RNF213: variants seen among roughly 807,000 people sequenced by gnomAD.
RNF213 encodes the protein E3 ubiquitin-protein ligase RNF213.
RNF213 carries 341 observed loss-of-function variants against 514.4 expected under a neutral mutation model. The observed-to-expected ratio is 0.66, with a 90% CI of 0.61 to 0.73. The LOEUF (loss-of-function observed/expected upper bound fraction) is 0.73, where lower values mean the gene tolerates loss of function less well. Ranked by LOEUF, RNF213 falls within the 30% of genes least tolerant of loss-of-function variation. The pLI is 0.00. For synonymous variants in RNF213, 2,655 were observed against 2,658.2 expected (o/e 1.00, Z 0.04); for missense variants, 5,767 against 6,615.6 (o/e 0.87, Z 4.45).
rs78857404 is a variant in RNF213 at position 80,313,186 on chromosome 17, G to A, written c.2811+19G>A. 2 of 1,613,808 alleles carry A rather than the reference G, an allele frequency of 1.2e-6. No individual in the cohort carries two copies. The highest frequency in any genetic ancestry group is 1.1e-5 in the South Asian group (1 of 91,088). ...AATTGAGGTAGGCATTTGGCCGAAGGCTTCTGGGTAGGGATGTGACTGATC... is the reference window on the plus strand; with the variant it reads ...AATTGAGGTAGGCATTTGGCCGAAGACTTCTGGGTAGGGATGTGACTGATC... On this transcript the variant is annotated intron_variant, in intron 15 of 67. Transcript: ENST00000582970.
At chr17:80,384,823 C>T in intron 59 of RNF213, 1 of 605,730 alleles carries the variant, frequency 1.7e-6, no homozygotes, top group Non-Finnish European at 3.0e-6. Context: ...AGGCTGGGCT[C>T]CCTCTTCGCC....
rs1263167971 is a variant in RNF213, at chr17:80,314,049, G to C, written c.2811+882G>C. On this transcript the variant is annotated intron_variant, in intron 15 of 67. Coordinates refer to ENST00000582970, the MANE Select transcript of RNF213 (RefSeq NM_001256071.3). ...GGTGGTGGTGGTGGTGATGGTGGAGGTGGTGGAGGTAATGGAGGTGATGGT... is the reference window on the plus strand; with the variant it reads ...GGTGGTGGTGGTGGTGATGGTGGAGCTGGTGGAGGTAATGGAGGTGATGGT... Among the ~76,000 whole-genome samples the C allele has an allele frequency of 3.9e-5, 4 of 103,306 alleles. No homozygotes were observed. The East Asian group carries it at 1.6e-3, about 41-fold the overall frequency. 67.8% of individuals were successfully genotyped at this position (103,306 alleles called of 152,430 possible).
intron 44 of RNF213, among the ~76,000 whole-genome samples, 156 bp from the exon 45 acceptor site, chr17:80,369,346 G>C (rs535800879): frequency 5.9e-5 from 9 of 151,578 alleles, no homozygotes; most frequent in African/African-American, 1.9e-4. Flanking sequence ...TGCAGTGAGC[G>C]GAGATCGCGC....
chr17:80,281,321 A>G (rs139825717), intron 3 of RNF213, among the ~76,000 whole-genome samples: 740 of 39,122 alleles, frequency 0.019, 33 homozygotes, highest in East Asian at 0.095. Flanking sequence ...CCCCACTCAC[A>G]CCACTCACAC....
At position 80,336,378 on chromosome 17, in the gene RNF213, G is replaced by C; in HGVS notation, c.4527G>C (p.Leu1509=). The change falls in exon 23 of 68, where the codon CTG becomes CTC. Residue 1509 remains leucine, a splice_region_variant and synonymous_variant. Coordinates refer to ENST00000582970, the MANE Select transcript of RNF213 (RefSeq NM_001256071.3). ...AGGACCAGTACCTGCCCAGGAAACT[G>C]GTGAGTCTTATTCTGTCTCTAATGC... The part of the protein sequence containing the change: ...LDKDQYLPRK[L]CDSARNLEWL... 1 of 1,537,100 alleles carries C rather than the reference G, an allele frequency of 6.5e-7. No individual in the cohort carries two copies. Among genetic ancestry groups the C allele is most frequent in the South Asian group, 1.2e-5 (1 of 84,050 alleles).
In RNF213 at chr17:80,347,637, T is replaced by C; in HGVS notation, c.9302T>C (p.Leu3101Ser). The C allele has an allele frequency of 6.2e-7, 1 of 1,614,124 alleles. No individual in the cohort carries two copies. Among genetic ancestry groups the C allele is most frequent in the Non-Finnish European group, 8.5e-7 (1 of 1,180,026 alleles). Residue 3101 changes from leucine (L) to serine (S), a missense_variant, in exon 29 of 68, where the codon TTG becomes TCG. Coordinates refer to ENST00000582970, the MANE Select transcript of RNF213 (RefSeq NM_001256071.3). This position sits in a 1 kb window ranked among gnomAD's most constrained non-coding sequence, Gnocchi z 7.2. Reference protein sequence around the residue: ...KICMETGKMVLLLNLQNLYES... With the variant: ...KICMETGKMVSLLNLQNLYES... ...TGCATGGAAACAGGCAAGATGGTGT[T>C]GCTTCTCAACCTGCAGAACCTCTAC...
intron 22 of RNF213, 133 bp downstream of exon 22, chr17:80,334,403 T>G: frequency 1.0e-6 from 1 of 968,638 alleles, no homozygotes; most frequent in Admixed American, 2.8e-5. Context: ...AGACGTTGCC[T>G]GCATGCTTTA....
intron 51 of RNF213, 40 bp downstream of exon 51, chr17:80,375,910 A>G (rs376959196): frequency 2.8e-4 from 367 of 1,319,274 alleles, no homozygotes; most frequent in Non-Finnish European, 2.5e-4. Flanking sequence ...AAGTCTCAGT[A>G]TTTGGAGGGA....
Position 80,290,458 on chromosome 17 carries a change from CAT to C in RNF213, c.1113-111_1113-110del, listed in dbSNP as rs532606178. On this transcript the variant is annotated intron_variant, in intron 6 of 67. Coordinates refer to ENST00000582970, the MANE Select transcript of RNF213 (RefSeq NM_001256071.3). Reference sequence around the variant, plus strand: ...GTGTGTGCATGTGTGTGTGCGAGTGCATGTGTGTGTGCACGTGTGTGTGCGCA... The same window carrying C: ...GTGTGTGCATGTGTGTGTGCGAGTGCGTGTGTGTGCACGTGTGTGTGCGCA... 722 of 1,289,132 alleles carry C rather than the reference CAT, an allele frequency of 5.6e-4. 3 individuals carry two copies. The highest frequency in any genetic ancestry group is 3.9e-3 in the East Asian group (170 of 43,058). The allele number at this position is 1,289,132 out of a possible 1,614,324, so 79.9% of individuals were successfully genotyped here.
At chr17:80,313,755 G>A (rs1356637557) in intron 15 of RNF213, among the ~76,000 whole-genome samples, 6 of 150,260 alleles carry the variant, frequency 4.0e-5, no homozygotes, top group Non-Finnish European at 7.4e-5. Flanking sequence ...GCTGGTGGTG[G>A]AGGTGGTGGA....
chr17:80,306,312 C>T lies in RNF213; in HGVS notation c.2271C>T (p.Leu757=). The change falls in exon 12 of 68, where the codon CTC becomes CTT. Residue 757 remains leucine, a synonymous_variant. Coordinates refer to ENST00000582970, the MANE Select transcript of RNF213 (RefSeq NM_001256071.3). ...KQHLLSIDEP[L]FRSWFSLLPL... ...ATTTGCTGAGCATAGACGAGCCTCT[C>T]TTCCGGTCCTGGTTTAGTCTGCTAC... is the stretch of plus-strand genomic sequence containing the variant. 1 of 1,614,192 alleles carries T rather than the reference C, an allele frequency of 6.2e-7. No homozygotes were observed. Among genetic ancestry groups the T allele is most frequent in the Non-Finnish European group, 8.5e-7 (1 of 1,180,044 alleles).
intron 14 of RNF213, among the ~76,000 whole-genome samples, chr17:80,311,517 C>T (rs28528832): frequency 0.087 from 13,245 of 152,246 alleles, 1,949 homozygotes; most frequent in African/African-American, 0.3. Context: ...TCTAGTCACT[C>T]CTGTGCCCAG....
chr17:80,289,285 T>C (rs536692431), intron 5 of RNF213, among the ~76,000 whole-genome samples: 179 of 152,252 alleles, frequency 1.2e-3, no homozygotes, highest in African/African-American at 4.2e-3. Flanking sequence ...AAGCATCCCC[T>C]GTAGGGGTCA....
intron 8 of RNF213, among the ~76,000 whole-genome samples, chr17:80,292,320 G>C (rs1354159099): frequency 6.6e-6 from 1 of 152,042 alleles, no homozygotes; most frequent in Non-Finnish European, 1.5e-5. Context: ...TGCCCTCCTC[G>C]ACCTCCCGAA....
chr17:80,351,511 G>A (rs904820370), intron 31 of RNF213, among the ~76,000 whole-genome samples, 174 bp from the exon 32 acceptor site: 2 of 152,228 alleles, frequency 1.3e-5, no homozygotes, highest in African/African-American at 4.8e-5. Context: ...AAGAAATCAC[G>A]ATCGCAGGGC....
In RNF213 at chr17:80,343,739, T is replaced by G; in HGVS notation, c.6184-118T>G. On this transcript the variant is annotated intron_variant, in intron 27 of 67. Coordinates refer to ENST00000582970, the MANE Select transcript of RNF213 (RefSeq NM_001256071.3). The surrounding 1 kb of genome is among the most constrained non-coding windows in gnomAD (Gnocchi z 4.3). ...AGACATGGGCCGTTGTTGGCTGAAA[T>G]GTTGATGTTGATCATCAGGATCATC... The G allele has an allele frequency of 9.5e-7, 1 of 1,054,532 alleles. No individual in the cohort carries two copies. The highest frequency in any genetic ancestry group is 2.4e-5 in the East Asian group (1 of 42,320). The allele number at this position is 1,054,532 out of a possible 1,614,324, so 65.3% of individuals were successfully genotyped here. A position where few individuals can be genotyped will look rare whatever the true frequency, so the allele number is the denominator to read the frequency against.
In RNF213 at chr17:80,345,336, G is replaced by A. The variant is rs9674961; in HGVS notation, c.7001G>A (p.Ser2334Asn). 1,035,021 of 1,613,702 alleles carry A rather than the reference G, an allele frequency of 0.64. 337,052 individuals carry two copies. The highest frequency in any genetic ancestry group is 0.7 in the Middle Eastern group (4,236 of 6,062). The change falls in exon 29 of 68, where the codon AGT (serine) becomes AAT (asparagine). Residue 2334 changes from serine (S) to asparagine (N), a missense_variant. By Grantham distance (46) the Ser-to-Asn change is conservative. Coordinates refer to ENST00000582970, the MANE Select transcript of RNF213 (RefSeq NM_001256071.3). The surrounding 1 kb of genome is among the most constrained non-coding windows in gnomAD (Gnocchi z 6.0). Reference sequence around the variant, plus strand: ...ATCAACGGCAGTGTCGATGCCATCAGTCACTTGACTGGGAAGGTCATCAAG... The same window carrying A: ...ATCAACGGCAGTGTCGATGCCATCAATCACTTGACTGGGAAGGTCATCAAG... ...PNINGSVDAI[S>N]HLTGKVIKRD...
chr17:80,369,948 G>T, intron 46 of RNF213, 81 bp downstream of exon 46: 1 of 941,246 alleles, frequency 1.1e-6, no homozygotes, highest in Middle Eastern at 2.1e-4. Flanking sequence ...AAGTCTTCTT[G>T]TCGTGACTAG....
At chr17:80,331,928 GAA>G in intron 20 of RNF213, 76 bp from the exon 21 acceptor site, 1 of 1,460,916 alleles carries the variant, frequency 6.8e-7, no homozygotes, top group Admixed American at 2.3e-5. Context: ...AGTGAGGAGA[GAA>G]AGTCTTAGGA....
Sources: allele counts gnomAD v4.1 joint callset (sites outside exome capture counted in the v4.1 genomes callset), GRCh38; gene constraint gnomAD v4.1.1; non-coding constraint Gnocchi (gnomAD v3.1); transcripts MANE v1.5; gene names NCBI Gene and HGNC (gene_info 2026-07-23, HGNC 2026-07-21).